The following APP variants were observed in gnomAD, a reference collection of about 807,000 sequenced individuals.
APP encodes the protein amyloid beta precursor protein, also known as amyloid-beta precursor protein.
In APP, 31 loss-of-function variants were observed where a neutral mutation model predicts 101.4. The ratio of observed to expected loss-of-function variants is 0.31; its 90% CI spans 0.23 to 0.41. APP has a LOEUF of 0.41. Ranked by LOEUF, APP falls within the 10% of genes least tolerant of loss-of-function variation. The pLI is 1.00. For synonymous variants in APP, 366 were observed against 364.4 expected, an observed-to-expected ratio of 1.00 and a Z score of -0.05; for missense variants, 839 against 1,003.7, an observed-to-expected ratio of 0.84 and a Z score of 2.22.
At chr21:26,116,141 C>G (rs1431005527) in intron 1 of APP, among the ~76,000 whole-genome samples, 1 of 152,072 alleles carries the variant, frequency 6.6e-6, no homozygotes, top group Non-Finnish European at 1.5e-5. Context: ...ACAAAATAAC[C>G]AGCTAAAAAC....
At chr21:26,090,103 T>C (rs1471608027) in intron 2 of APP, 31 bp from the exon 3 acceptor site, 1 of 1,613,366 alleles carries the variant, frequency 6.2e-7, no homozygotes, top group South Asian at 1.1e-5. Context: ...AATCAATTGT[T>C]ACTTGAGGCA....
At chr21:26,017,309 C>G (rs2044137759) in intron 6 of APP, among the ~76,000 whole-genome samples, 1 of 148,916 alleles carries the variant, frequency 6.7e-6, no homozygotes, top group Non-Finnish European at 1.5e-5. Context: ...AGAATCACTG[C>G]TTTAAAGCAC....
chr21:26,041,363 G>A (rs1346448882), intron 5 of APP, among the ~76,000 whole-genome samples: 3 of 152,032 alleles, frequency 2.0e-5, no homozygotes, highest in East Asian at 1.9e-4. Flanking sequence ...TTAATGTTTC[G>A]GTGTACTATT....
intron 1 of APP, among the ~76,000 whole-genome samples, chr21:26,135,197 C>G (rs2062870103): frequency 6.6e-6 from 1 of 152,164 alleles, no homozygotes; most frequent in South Asian, 2.1e-4. Flanking sequence ...ATTAGAAGTA[C>G]TTTCTTAAAT....
rs2062341145 is a variant in APP at position 26,112,165 on chromosome 21, G to A, written c.58-19C>T. On this transcript the variant is annotated intron_variant, in intron 1 of 17. Coordinates refer to ENST00000346798, the MANE Select transcript of APP (RefSeq NM_000484.4). ...TGGGTACCTGAAAGAAGAAGCTTCA[G>A]TTAGTTATAGTATCCATAGCTCCAA... 6.2e-7 allele frequency: 1 copy of A among 1,612,844 alleles called. No individual in the cohort carries two copies. Among genetic ancestry groups the A allele is most frequent in the Admixed American group, 1.7e-5 (1 of 60,002 alleles).
chr21:26,090,148 A>G, intron 2 of APP, 76 bp from the exon 3 acceptor site: 1 of 1,595,594 alleles, frequency 6.3e-7, no homozygotes, highest in South Asian at 1.1e-5. Context: ...ACAAGCCTCC[A>G]CTGTAAGGTA....
chr21:26,057,470 AC>A (rs2046087771), intron 3 of APP, among the ~76,000 whole-genome samples: 1 of 137,098 alleles, frequency 7.3e-6, no homozygotes, highest in Non-Finnish European at 1.5e-5. Flanking sequence ...CGCATGTCAC[AC>A]ACCACACACA....
At chr21:26,070,454 C>T (rs1442369345) in intron 3 of APP, among the ~76,000 whole-genome samples, 2 of 151,962 alleles carry the variant, frequency 1.3e-5, no homozygotes, top group Non-Finnish European at 2.9e-5. Context: ...AGAAAATGCC[C>T]CTGGAGAATT....
chr21:25,948,633 C>T (rs187329713), intron 13 of APP, among the ~76,000 whole-genome samples: 45 of 152,254 alleles, frequency 3.0e-4, no homozygotes, highest in Middle Eastern at 3.4e-3. Context: ...TTTCCTACTG[C>T]CTTTCTCATA....
intron 2 of APP, among the ~76,000 whole-genome samples, chr21:26,110,888 T>G (rs1249140452): frequency 6.6e-6 from 1 of 152,084 alleles, no homozygotes; most frequent in African/African-American, 2.4e-5. Context: ...TAATTACTTC[T>G]AATGTTCTTA....
At chr21:25,952,494 T>G (rs1268100768) in intron 13 of APP, among the ~76,000 whole-genome samples, 1 of 152,154 alleles carries the variant, frequency 6.6e-6, no homozygotes, top group Non-Finnish European at 1.5e-5. Flanking sequence ...TTTCGTAATA[T>G]TCAAGATATC....
At chr21:25,996,883 T>A (rs1405780351) in intron 8 of APP, among the ~76,000 whole-genome samples, 4 of 152,220 alleles carry the variant, frequency 2.6e-5, no homozygotes, top group Non-Finnish European at 4.4e-5. Flanking sequence ...TGTTTTTTAA[T>A]CCAAAATTTG....
At chr21:26,026,735 GA>G (rs1601251975) in intron 5 of APP, among the ~76,000 whole-genome samples, 1 of 152,208 alleles carries the variant, frequency 6.6e-6, no homozygotes, top group African/African-American at 2.4e-5. Context: ...GGATTTGGGG[GA>G]TAGTAAAAGT....
chr21:26,131,020 G>A (rs1051184718), intron 1 of APP, among the ~76,000 whole-genome samples: 20 of 151,922 alleles, frequency 1.3e-4, no homozygotes, highest in Admixed American at 2.0e-4. Context: ...ACGTGAGGTC[G>A]GGAGTTCGAG....
chr21:26,032,904 G>A (rs116213799), intron 5 of APP, among the ~76,000 whole-genome samples: 4,160 of 152,050 alleles, frequency 0.027, 200 homozygotes, highest in African/African-American at 0.095. Flanking sequence ...GAGATGGGAT[G>A]TAAACAAGCA....
At chr21:25,958,565 A>ATC (rs1569106867) in intron 11 of APP, among the ~76,000 whole-genome samples, 1 of 152,246 alleles carries the variant, frequency 6.6e-6, no homozygotes, top group Non-Finnish European at 1.5e-5. Context: ...GCGTGCGACC[A>ATC]GTGCACGGCC....
intron 2 of APP, among the ~76,000 whole-genome samples, chr21:26,100,827 GA>G (rs1260946932): frequency 4.6e-5 from 7 of 152,104 alleles, no homozygotes; most frequent in African/African-American, 1.7e-4. Flanking sequence ...AAGAAAACAG[GA>G]AAAAGAGAAA....
In APP at chr21:25,998,588, G is replaced by A. The variant is rs545241528; in HGVS notation, c.1034-1172C>T. On this transcript the variant is annotated intron_variant, in intron 7 of 17. Coordinates refer to ENST00000346798, the MANE Select transcript of APP (RefSeq NM_000484.4). Reference sequence around the variant, plus strand: ...CTTCTGTTGTTTTGCTTAATCCTAAGATCTTGCTGCAAAACAATTTATATA... The same window carrying A: ...CTTCTGTTGTTTTGCTTAATCCTAAAATCTTGCTGCAAAACAATTTATATA... Among the ~76,000 whole-genome samples the A allele has an allele frequency of 1.3e-3, 198 of 152,166 alleles. 1 individual carries two copies. The highest frequency in any genetic ancestry group is 2.1e-3 in the Non-Finnish European group (146 of 68,008).
At chr21:26,037,439 C>G (rs2045167184) in intron 5 of APP, among the ~76,000 whole-genome samples, 1 of 152,120 alleles carries the variant, frequency 6.6e-6, no homozygotes, top group East Asian at 1.9e-4. Flanking sequence ...GATCTGATCA[C>G]TGTGTACCCT....
Sources: gnomAD v4.1 joint callset for allele counts (sites outside exome capture counted in the v4.1 genomes callset) on GRCh38, gnomAD v4.1.1 for gene constraint, MANE v1.5 for transcripts, NCBI Gene and HGNC (gene_info 2026-07-23, HGNC 2026-07-21) for gene names.